The following SORCS1 variants were observed in gnomAD, a reference collection of about 807,000 sequenced individuals.
SORCS1 encodes the protein sortilin related VPS10 domain containing receptor 1.
Under a neutral mutation model 146.1 loss-of-function variants are expected in SORCS1, and 60 were observed. The ratio of observed to expected loss-of-function variants is 0.41; its 90% CI spans 0.33 to 0.51. The LOEUF is 0.51. SORCS1 is among the 20% of genes least tolerant of loss of function. SORCS1 has a pLI of 0.21. For missense variants in SORCS1, 1,352 were observed against 1,487.6 expected, an observed-to-expected ratio of 0.91 and a Z score of 1.50; for synonymous variants, 637 against 584.0, an observed-to-expected ratio of 1.09 and a Z score of -1.31.
At chr10:106,876,625 C>T (rs187659655) in intron 2 of SORCS1, among the ~76,000 whole-genome samples, 16 of 152,302 alleles carry the variant, frequency 1.1e-4, no homozygotes, top group East Asian at 5.8e-4. Context: ...AGTGGAATGA[C>T]GGACAGGATG....
chr10:106,605,081 C>T (rs965601380), intron 23 of SORCS1, among the ~76,000 whole-genome samples: 1 of 152,336 alleles, frequency 6.6e-6, no homozygotes, highest in African/African-American at 2.4e-5. Context: ...TACATGTGTG[C>T]CAATTCTAAG....
chr10:106,850,612 G>C (rs1263283447), intron 2 of SORCS1, among the ~76,000 whole-genome samples: 1 of 152,098 alleles, frequency 6.6e-6, no homozygotes, highest in South Asian at 2.1e-4. Context: ...GCTCCTCCCT[G>C]ATGCCTTTCC....
At chr10:106,953,856 G>A (rs1402209865) in intron 2 of SORCS1, among the ~76,000 whole-genome samples, 2 of 152,102 alleles carry the variant, frequency 1.3e-5, no homozygotes, top group Non-Finnish European at 2.9e-5. Context: ...ATGGCATTAC[G>A]CAGTGCATGA....
At chr10:106,782,253 C>A (rs111920193) in intron 3 of SORCS1, among the ~76,000 whole-genome samples, 1 of 151,938 alleles carries the variant, frequency 6.6e-6, no homozygotes, top group East Asian at 1.9e-4. Context: ...GATTTTTTAA[C>A]GGAAAAAAAC....
chr10:106,766,802 A>G (rs1859608129), intron 4 of SORCS1, among the ~76,000 whole-genome samples: 1 of 152,234 alleles, frequency 6.6e-6, no homozygotes, highest in Non-Finnish European at 1.5e-5. Flanking sequence ...TTTTGTGCAC[A>G]GTGTTGTAGT....
intron 1 of SORCS1, among the ~76,000 whole-genome samples, chr10:107,005,472 CAAAT>C (rs1459427426): frequency 6.6e-6 from 1 of 151,972 alleles, no homozygotes; most frequent in African/African-American, 2.4e-5. Context: ...AAAACTTTCA[CAAAT>C]AAAGGCTGAA....
chr10:106,669,746 C>T (rs1258078540), intron 16 of SORCS1, among the ~76,000 whole-genome samples: 1 of 152,202 alleles, frequency 6.6e-6, no homozygotes. Flanking sequence ...CTCTGTTGCC[C>T]TCTGGCTGAG....
At chr10:106,610,453 G>A (rs1040605610) in intron 22 of SORCS1, among the ~76,000 whole-genome samples, 1 of 152,026 alleles carries the variant, frequency 6.6e-6, no homozygotes, top group African/African-American at 2.4e-5. Context: ...ATAATGCAAA[G>A]CACTCAAAAG....
At chr10:107,134,072 T>A (rs1967071473) in intron 1 of SORCS1, among the ~76,000 whole-genome samples, 1 of 152,110 alleles carries the variant, frequency 6.6e-6, no homozygotes, top group Non-Finnish European at 1.5e-5. Context: ...GTAGCAGTGC[T>A]AGTAGTAGTG....
intron 6 of SORCS1, among the ~76,000 whole-genome samples, chr10:106,723,350 T>G (rs1209597141): frequency 2.0e-5 from 3 of 151,846 alleles, no homozygotes; most frequent in Non-Finnish European, 4.4e-5. Flanking sequence ...ATCAATAGAA[T>G]GTAGGTTTCC....
intron 8 of SORCS1, 84 bp downstream of exon 8, chr10:106,706,461 G>C: frequency 1.5e-6 from 2 of 1,334,708 alleles, no homozygotes; most frequent in Non-Finnish European, 2.1e-6. Context: ...ATGAGAGGCT[G>C]AAAGAGTCCT....
rs140421534 is a variant in SORCS1, at chr10:107,066,789, C to T, written c.558+97180G>A. Among the ~76,000 whole-genome samples the T allele has an allele frequency of 1.4e-3, 220 of 152,216 alleles. 1 individual carries two copies. Among genetic ancestry groups the T allele is most frequent in the African/African-American group, 5.2e-3 (214 of 41,526 alleles). On this transcript the variant is annotated intron_variant, in intron 1 of 25. Transcript: ENST00000263054. ...GGGAGAATAAATAGTGTGTTCCCAA[C>T]CATATAAATGGAAGGAAAGGAGAAT...
intron 1 of SORCS1, among the ~76,000 whole-genome samples, chr10:107,106,357 T>C (rs756988146): frequency 6.6e-6 from 1 of 152,212 alleles, no homozygotes; most frequent in Non-Finnish European, 1.5e-5. Context: ...AGTGCTAGCA[T>C]ATCACAAGCT....
intron 3 of SORCS1, among the ~76,000 whole-genome samples, chr10:106,801,752 G>A (rs749398747): frequency 2.0e-5 from 3 of 152,026 alleles, no homozygotes; most frequent in Non-Finnish European, 2.9e-5. Flanking sequence ...GGACGGTCTC[G>A]ATCTCCTGAC....
intron 3 of SORCS1, among the ~76,000 whole-genome samples, chr10:106,806,059 CA>C (rs368242771): frequency 1.2e-3 from 116 of 100,070 alleles, no homozygotes; most frequent in Admixed American, 2.2e-3. Context: ...GACTCCGTCT[CA>C]AAAAAAAAAA....
intron 22 of SORCS1, among the ~76,000 whole-genome samples, chr10:106,610,350 T>C (rs1373895251): frequency 6.6e-6 from 1 of 152,098 alleles, no homozygotes; most frequent in East Asian, 1.9e-4. Flanking sequence ...TAACCTAATA[T>C]CTCTGAGTTT....
At chr10:106,840,460 T>A (rs1006705572) in intron 2 of SORCS1, among the ~76,000 whole-genome samples, 1 of 151,624 alleles carries the variant, frequency 6.6e-6, no homozygotes, top group African/African-American at 2.4e-5. Context: ...TTGCTTCTTA[T>A]GGATAAGCAA....
At chr10:106,794,457 C>T (rs1289714598) in intron 3 of SORCS1, among the ~76,000 whole-genome samples, 12 of 152,012 alleles carry the variant, frequency 7.9e-5, no homozygotes, top group Non-Finnish European at 1.6e-4. Context: ...TTCCTCACTT[C>T]CTACAACGTC....
At chr10:106,878,800 A>G (rs1334242004) in intron 2 of SORCS1, among the ~76,000 whole-genome samples, 1 of 150,646 alleles carries the variant, frequency 6.6e-6, no homozygotes, top group African/African-American at 2.4e-5. Flanking sequence ...TTTTACATAT[A>G]CTAATGTTTA....
Sources: gnomAD v4.1 joint callset for allele counts (sites outside exome capture counted in the v4.1 genomes callset) on GRCh38, gnomAD v4.1.1 for gene constraint, MANE v1.5 for transcripts, NCBI Gene and HGNC (gene_info 2026-07-23, HGNC 2026-07-21) for gene names.